Variants in SAMD3 observed in about 807,000 individuals in gnomAD.
SAMD3 encodes sterile alpha motif domain-containing protein 3.
Under a neutral mutation model 58.5 loss-of-function variants are expected in SAMD3, and 63 were observed. The ratio of observed to expected loss-of-function variants is 1.08; its 90% CI spans 0.88 to 1.33. The LOEUF (loss-of-function observed/expected upper bound fraction) is 1.33, where lower values mean the gene tolerates loss of function less well. Ranked by LOEUF, SAMD3 falls within the 40% of genes most tolerant of loss-of-function variation. The probability of loss-of-function intolerance (pLI) is 0.00; values close to 1 mark genes in which losing one functional copy is unlikely to be tolerated. For synonymous variants in SAMD3, 220 were observed against 210.3 expected, an observed-to-expected ratio of 1.05 and a Z score of -0.40; for missense variants, 604 against 608.4, an observed-to-expected ratio of 0.99 and a Z score of 0.08.
intron 2 of SAMD3, among the ~76,000 whole-genome samples, chr6:130,297,326 C>T (rs1322686800): frequency 2.0e-5 from 3 of 152,120 alleles, no homozygotes; most frequent in Non-Finnish European, 2.9e-5. Flanking sequence ...GCCAAATGAC[C>T]ATATGCAGTG....
Position 130,214,497 on chromosome 6 carries a change from C to T in SAMD3, c.109G>A (p.Ala37Thr). The T allele has an allele frequency of 6.2e-7, 1 of 1,605,930 alleles. No individual in the cohort carries two copies. Among genetic ancestry groups the T allele is most frequent in the Non-Finnish European group, 8.5e-7 (1 of 1,176,476 alleles). Residue 37 changes from alanine to threonine, a missense_variant, in exon 4 of 12, where the codon GCA (alanine) becomes ACA (threonine). Coordinates refer to ENST00000439090, the MANE Select transcript of SAMD3 (RefSeq NM_001017373.4). Reference sequence around the variant, plus strand: ...TGCTGAACCATCCGATCATTAAGTGCAAGAAGAGCGGCCCCACTTACTTCT... The same window carrying T: ...TGCTGAACCATCCGATCATTAAGTGTAAGAAGAGCGGCCCCACTTACTTCT... ...EEEVSGAALL[A>T]LNDRMVQQLV...
chr6:130,250,949 A>G (rs1047010340), intron 2 of SAMD3, among the ~76,000 whole-genome samples: 1 of 152,174 alleles, frequency 6.6e-6, no homozygotes, highest in African/African-American at 2.4e-5. Flanking sequence ...TCTCTTGTGT[A>G]TATACTTAGC....
chr6:130,268,699 TAAC>T (rs780909841), intron 2 of SAMD3, among the ~76,000 whole-genome samples: 4 of 152,214 alleles, frequency 2.6e-5, no homozygotes, highest in Non-Finnish European at 4.4e-5. Flanking sequence ...GTTTGTAGCC[TAAC>T]AGCAATAGGC....
At chr6:130,311,990 C>A (rs1216131492) in intron 2 of SAMD3, among the ~76,000 whole-genome samples, 1 of 152,148 alleles carries the variant, frequency 6.6e-6, no homozygotes, top group Non-Finnish European at 1.5e-5. Context: ...CCCCCGCCCC[C>A]ACTTGCCATA....
intron 2 of SAMD3, among the ~76,000 whole-genome samples, chr6:130,232,576 G>A (rs1488726471): frequency 2.0e-5 from 3 of 152,064 alleles, no homozygotes; most frequent in African/African-American, 7.2e-5. Context: ...TACAGTTTAC[G>A]AGTTCAAGTG....
intron 2 of SAMD3, among the ~76,000 whole-genome samples, chr6:130,304,908 T>C (rs543215543): frequency 4.4e-4 from 66 of 149,160 alleles, no homozygotes; most frequent in African/African-American, 1.6e-3. Flanking sequence ...CTATAAACAC[T>C]AAAATTACAT....
At chr6:130,330,018 C>G (rs570296362) in intron 1 of SAMD3, among the ~76,000 whole-genome samples, 102 of 152,168 alleles carry the variant, frequency 6.7e-4, no homozygotes, top group African/African-American at 2.4e-3. Flanking sequence ...ACCACCATGG[C>G]ACATGTATAC....
chr6:130,240,101 C>G (rs993330687), intron 2 of SAMD3, among the ~76,000 whole-genome samples: 2 of 152,242 alleles, frequency 1.3e-5, no homozygotes, highest in African/African-American at 4.8e-5. Flanking sequence ...GTTATCAGCA[C>G]AGCGCCTGGT....
intron 2 of SAMD3, among the ~76,000 whole-genome samples, chr6:130,289,823 T>A (rs1195452108): frequency 1.3e-5 from 2 of 152,210 alleles, no homozygotes; most frequent in Admixed American, 1.3e-4. Flanking sequence ...TTAAACCATG[T>A]AGTCAGAAGA....
intron 2 of SAMD3, among the ~76,000 whole-genome samples, chr6:130,250,937 T>C (rs549277386): frequency 6.6e-4 from 100 of 152,310 alleles, no homozygotes; most frequent in African/African-American, 2.3e-3. Flanking sequence ...TATGTTTTCA[T>C]TTCTCTTGTG....
intron 2 of SAMD3, among the ~76,000 whole-genome samples, chr6:130,303,728 G>A (rs555511064): frequency 4.6e-4 from 70 of 152,172 alleles, no homozygotes; most frequent in African/African-American, 1.7e-3. Context: ...CATTCACCTA[G>A]CTTGCCTCTT....
chr6:130,296,053 C>T (rs1023998324), intron 2 of SAMD3, among the ~76,000 whole-genome samples: 3 of 152,218 alleles, frequency 2.0e-5, no homozygotes, highest in African/African-American at 4.8e-5. Context: ...TTTCCTGAGG[C>T]CTCCTCAATT....
At chr6:130,176,990 C>T (rs1320024125) in intron 7 of SAMD3, among the ~76,000 whole-genome samples, 1 of 152,126 alleles carries the variant, frequency 6.6e-6, no homozygotes, top group African/African-American at 2.4e-5. Flanking sequence ...AATCCTGAAC[C>T]AGATCTTAAA....
intron 8 of SAMD3, among the ~76,000 whole-genome samples, chr6:130,158,336 G>C (rs534925726): frequency 2.6e-5 from 4 of 152,278 alleles, no homozygotes; most frequent in African/African-American, 9.6e-5. Context: ...AAGGAAGTTG[G>C]TATTGATGCA....
intron 2 of SAMD3, among the ~76,000 whole-genome samples, chr6:130,297,521 G>C (rs1033199934): frequency 6.6e-6 from 1 of 152,136 alleles, no homozygotes; most frequent in East Asian, 1.9e-4. Context: ...TCTCTTTCTA[G>C]CAATGGATCC....
intron 2 of SAMD3, among the ~76,000 whole-genome samples, chr6:130,291,147 G>A (rs1439544923): frequency 6.6e-6 from 1 of 152,196 alleles, no homozygotes; most frequent in Non-Finnish European, 1.5e-5. Context: ...CTGGAGTGCA[G>A]TGGTGCAATC....
chr6:130,336,000 T>A (rs1006879486), intron 1 of SAMD3, among the ~76,000 whole-genome samples: 8 of 151,822 alleles, frequency 5.3e-5, no homozygotes, highest in African/African-American at 1.9e-4. Context: ...AACATCACAC[T>A]CTGGGGACTG....
chr6:130,271,434 A>T (rs1164317290), intron 2 of SAMD3, among the ~76,000 whole-genome samples: 1 of 152,154 alleles, frequency 6.6e-6, no homozygotes, highest in Non-Finnish European at 1.5e-5. Context: ...CATTTTTAAG[A>T]TTGTGAATGA....
chr6:130,356,977 A>G (rs781265666), intron 1 of SAMD3, among the ~76,000 whole-genome samples: 92 of 152,136 alleles, frequency 6.0e-4, no homozygotes, highest in Non-Finnish European at 6.6e-4. Context: ...TGCTGAGGAA[A>G]ACGGACTTTT....
Sources: gnomAD v4.1 joint callset for allele counts (sites outside exome capture counted in the v4.1 genomes callset) on GRCh38, gnomAD v4.1.1 for gene constraint, MANE v1.5 for transcripts, NCBI Gene and HGNC (gene_info 2026-07-23, HGNC 2026-07-21) for gene names.